PRKCB: variants seen among roughly 807,000 people sequenced by gnomAD.
PRKCB encodes the protein protein kinase C beta type.
In PRKCB, 13 loss-of-function variants were observed where a neutral mutation model predicts 81.5. The ratio of observed to expected loss-of-function variants is 0.16; its 90% CI spans 0.10 to 0.25. PRKCB has a LOEUF of 0.25. Among genes scored for constraint, PRKCB ranks in the 10% least tolerant of loss-of-function variants. PRKCB has a pLI of 1.00. For missense variants in PRKCB, 509 were observed against 875.7 expected (o/e 0.58, Z 5.29); for synonymous variants, 335 against 321.4 (o/e 1.04, Z -0.45).
intron 3 of PRKCB, among the ~76,000 whole-genome samples, chr16:23,998,480 A>G (rs917274320): frequency 1.2e-4 from 19 of 152,300 alleles, no homozygotes; most frequent in Admixed American, 5.9e-4. Context: ...GGAAAGCTAG[A>G]GAAACGGTAT....
intron 16 of PRKCB, among the ~76,000 whole-genome samples, chr16:24,193,721 G>A (rs1200971810): frequency 6.6e-6 from 1 of 152,078 alleles, no homozygotes. Flanking sequence ...CAGAGGCCAA[G>A]CAGATAATAT....
At position 23,886,406 on chromosome 16, in the gene PRKCB, G is replaced by GTTTTTT. The variant is rs398029038; in HGVS notation, c.205+49021_205+49026dup. On this transcript the variant is annotated intron_variant, in intron 2 of 16. Transcript: ENST00000643927. ...AGGGTTGGACTATGGTGTGTTAGGT[G>GTTTTTT]TTTTTTTTTTTTTTTTTTTTTTTTT... is the stretch of plus-strand genomic sequence containing the variant. Among the ~76,000 whole-genome samples, 135 of 70,222 alleles carry GTTTTTT rather than the reference G, an allele frequency of 1.9e-3. 5 individuals carry two copies. Among genetic ancestry groups the GTTTTTT allele is most frequent in the Non-Finnish European group, 2.8e-3 (112 of 39,910 alleles). 46.1% of individuals were successfully genotyped at this position (70,222 alleles called of 152,430 possible).
chr16:24,122,402 A>G (rs78467605), intron 8 of PRKCB, among the ~76,000 whole-genome samples: 13,002 of 145,218 alleles, frequency 0.09, 1,874 homozygotes, highest in African/African-American at 0.31. Flanking sequence ...TAACTGATGT[A>G]TTCTGGGCCA....
chr16:24,032,069 G>T, intron 3 of PRKCB, 67 bp from the exon 4 acceptor site: 1 of 1,151,614 alleles, frequency 8.7e-7, no homozygotes, highest in South Asian at 1.3e-5. Context: ...AGTGCCTCTC[G>T]ATGTAGGATG....
At chr16:24,113,223 CCTTT>C (rs137979931) in intron 8 of PRKCB, among the ~76,000 whole-genome samples, 154 bp downstream of exon 8, 1,598 of 132,972 alleles carry the variant, frequency 0.012, 26 homozygotes, top group African/African-American at 0.053. Context: ...CCTTCTTTCT[CCTTT>C]CTTTCTTTCT....
intron 2 of PRKCB, among the ~76,000 whole-genome samples, chr16:23,891,876 G>A (rs553584303): frequency 3.9e-5 from 6 of 152,302 alleles, no homozygotes; most frequent in African/African-American, 1.4e-4. Context: ...AATTTTGCAG[G>A]CTCGGACCAG....
chr16:23,918,685 C>A (rs569987415), intron 2 of PRKCB, among the ~76,000 whole-genome samples: 1 of 152,280 alleles, frequency 6.6e-6, no homozygotes, highest in East Asian at 1.9e-4. Context: ...GCATGAGGCA[C>A]CATGCCAGGC....
chr16:24,134,157 C>G (rs915119032), intron 9 of PRKCB, among the ~76,000 whole-genome samples: 3 of 152,176 alleles, frequency 2.0e-5, no homozygotes, highest in African/African-American at 7.2e-5. Flanking sequence ...CTTGACCTCT[C>G]AAAGTGCTAG....
At chr16:24,160,533 A>C (rs1334254513) in intron 10 of PRKCB, among the ~76,000 whole-genome samples, 1 of 152,016 alleles carries the variant, frequency 6.6e-6, no homozygotes, top group African/African-American at 2.4e-5. Context: ...TACTGCCTGT[A>C]TGCTGCCTGT....
intron 9 of PRKCB, 145 bp downstream of exon 9, chr16:24,124,126 A>G (rs1596558454): frequency 9.0e-6 from 9 of 1,002,192 alleles, no homozygotes; most frequent in South Asian, 3.2e-5. Context: ...AATGAATACC[A>G]TGAAGGAAAT....
chr16:23,936,756 T>G (rs927568341), intron 2 of PRKCB, among the ~76,000 whole-genome samples: 1 of 152,082 alleles, frequency 6.6e-6, no homozygotes, highest in Non-Finnish European at 1.5e-5. Context: ...TATGGATAAT[T>G]CATAATTTAT....
At chr16:24,200,462 A>G (rs1013837804) in intron 16 of PRKCB, among the ~76,000 whole-genome samples, 3 of 152,206 alleles carry the variant, frequency 2.0e-5, no homozygotes, top group Non-Finnish European at 4.4e-5. Context: ...TTCCTGAGCC[A>G]GGTGAAGTTC....
intron 5 of PRKCB, among the ~76,000 whole-genome samples, chr16:24,042,251 C>A (rs547338439): frequency 1.1e-4 from 17 of 152,252 alleles, no homozygotes; most frequent in African/African-American, 3.8e-4. Flanking sequence ...GCCATTCCTC[C>A]TCGGAGGCTC....
intron 9 of PRKCB, among the ~76,000 whole-genome samples, chr16:24,129,546 T>C (rs914279428): frequency 1.3e-5 from 2 of 151,958 alleles, no homozygotes; most frequent in African/African-American, 2.4e-5. Flanking sequence ...TATCTATCTA[T>C]CCATCTGTCT....
At chr16:24,169,865 C>A (rs927075099) in intron 10 of PRKCB, among the ~76,000 whole-genome samples, 1 of 152,136 alleles carries the variant, frequency 6.6e-6, no homozygotes, top group South Asian at 2.1e-4. Context: ...CAACCTCCAC[C>A]TCCCAGGTTC....
At chr16:24,041,174 C>T (rs564096496) in intron 5 of PRKCB, among the ~76,000 whole-genome samples, 1 of 151,976 alleles carries the variant, frequency 6.6e-6, no homozygotes, top group Non-Finnish European at 1.5e-5. Context: ...CTCAGCCTCC[C>T]GAGTAGCTGC....
intron 2 of PRKCB, among the ~76,000 whole-genome samples, chr16:23,985,458 T>G (rs1309599594): frequency 6.6e-6 from 1 of 152,162 alleles, no homozygotes; most frequent in South Asian, 2.1e-4. Context: ...ATGTCAAATT[T>G]ACAATAGCAT....
intron 7 of PRKCB, among the ~76,000 whole-genome samples, chr16:24,100,960 C>G (rs1351786168): frequency 6.6e-6 from 1 of 152,148 alleles, no homozygotes; most frequent in African/African-American, 2.4e-5. Context: ...GTGAGGATCA[C>G]AAGACCAGGT....
At chr16:24,086,721 A>T (rs1966314895) in intron 5 of PRKCB, among the ~76,000 whole-genome samples, 2 of 152,210 alleles carry the variant, frequency 1.3e-5, no homozygotes, top group Admixed American at 1.3e-4. Flanking sequence ...ATAAAGCTAA[A>T]ATCTTTATTC....
Sources: gnomAD v4.1 joint callset for allele counts (sites outside exome capture counted in the v4.1 genomes callset) on GRCh38, gnomAD v4.1.1 for gene constraint, MANE v1.5 for transcripts, NCBI Gene and HGNC (gene_info 2026-07-23, HGNC 2026-07-21) for gene names.